Variants in GRIK1 observed in about 807,000 individuals in gnomAD.
GRIK1 encodes glutamate ionotropic receptor kainate type subunit 1, also known as glutamate receptor ionotropic, kainate 1.
A neutral mutation model predicts 105.7 loss-of-function variants in GRIK1; 69 were observed. The observed-to-expected ratio is 0.65, with a 90% CI of 0.54 to 0.80. The LOEUF (loss-of-function observed/expected upper bound fraction) is 0.80. Ranked by LOEUF, GRIK1 falls within the 30% of genes least tolerant of loss-of-function variation. The pLI is 0.00. For missense variants in GRIK1, 1,109 were observed against 1,167.3 expected, an observed-to-expected ratio of 0.95 and a Z score of 0.73; for synonymous variants, 438 against 431.3, an observed-to-expected ratio of 1.02 and a Z score of -0.19.
At chr21:29,671,271 C>A (rs1355006275) in intron 4 of GRIK1, among the ~76,000 whole-genome samples, 2 of 151,912 alleles carry the variant, frequency 1.3e-5, no homozygotes, top group Non-Finnish European at 2.9e-5. Flanking sequence ...TACAGGTGCC[C>A]ACCACCACAC....
At chr21:29,698,199 G>T (rs1000158271) in intron 1 of GRIK1, among the ~76,000 whole-genome samples, 1 of 152,044 alleles carries the variant, frequency 6.6e-6, no homozygotes, top group Non-Finnish European at 1.5e-5. Flanking sequence ...CCATTGGTTT[G>T]AGATGAGAAA....
At chr21:29,627,967 A>G (rs997393341) in intron 7 of GRIK1, among the ~76,000 whole-genome samples, 1 of 152,222 alleles carries the variant, frequency 6.6e-6, no homozygotes, top group Non-Finnish European at 1.5e-5. Context: ...GAAGACTTAG[A>G]TGCAATTCAT....
At chr21:29,584,536 G>T (rs565964193) in intron 12 of GRIK1, among the ~76,000 whole-genome samples, 1 of 150,922 alleles carries the variant, frequency 6.6e-6, no homozygotes, top group African/African-American at 2.4e-5. Flanking sequence ...ATTAAATATT[G>T]TTTTCCTTAG....
At chr21:29,716,183 C>A (rs1249952337) in intron 1 of GRIK1, among the ~76,000 whole-genome samples, 2 of 152,176 alleles carry the variant, frequency 1.3e-5, no homozygotes, top group Non-Finnish European at 2.9e-5. Flanking sequence ...AACCATGCTG[C>A]ACTGTGAGTC....
chr21:29,561,085 G>A (rs2090468519), intron 15 of GRIK1, among the ~76,000 whole-genome samples: 1 of 152,186 alleles, frequency 6.6e-6, no homozygotes, highest in Admixed American at 6.5e-5. Flanking sequence ...TAAGGAATTT[G>A]AAGATTTTAC....
intron 7 of GRIK1, among the ~76,000 whole-genome samples, chr21:29,605,860 T>C (rs898092210): frequency 8.5e-5 from 13 of 152,324 alleles, no homozygotes; most frequent in African/African-American, 2.6e-4. Context: ...TCTTCACTTA[T>C]ATATTGGAAA....
At chr21:29,779,750 T>A (rs1036597703) in intron 1 of GRIK1, among the ~76,000 whole-genome samples, 2 of 152,188 alleles carry the variant, frequency 1.3e-5, no homozygotes, top group African/African-American at 4.8e-5. Context: ...AAAATTCCAC[T>A]AATTTACTAT....
intron 16 of GRIK1, among the ~76,000 whole-genome samples, chr21:29,546,130 C>T (rs1458852760): frequency 4.6e-5 from 7 of 152,136 alleles, no homozygotes; most frequent in Admixed American, 2.0e-4. Flanking sequence ...CTGCTGTGCC[C>T]TCTGAGATGA....
intron 7 of GRIK1, among the ~76,000 whole-genome samples, chr21:29,617,016 A>G (rs363438): frequency 0.063 from 9,592 of 152,274 alleles, 445 homozygotes; most frequent in African/African-American, 0.12. Flanking sequence ...ATTTGCTATC[A>G]GCCATCATTG....
At chr21:29,848,755 G>GTGTGTGTATA (rs773386863) in intron 1 of GRIK1, among the ~76,000 whole-genome samples, 12 of 91,226 alleles carry the variant, frequency 1.3e-4, no homozygotes, top group African/African-American at 4.9e-4. Flanking sequence ...AGTTGTGTGT[G>GTGTGTGTATA]TATATATATA....
At chr21:29,625,139 T>C (rs1406146893) in intron 7 of GRIK1, among the ~76,000 whole-genome samples, 1 of 152,234 alleles carries the variant, frequency 6.6e-6, no homozygotes, top group Non-Finnish European at 1.5e-5. Context: ...TTGTGAATAA[T>C]GCAATATAAA....
In GRIK1 at chr21:29,567,334, A is replaced by G. The variant is rs371001210; in HGVS notation, c.2131-5485T>C. ...CCTCTAATGTTTCTTTTTTATTGAG[A>G]TAACTATTATTTATCACATTATTTC... is the stretch of plus-strand genomic sequence containing the variant. On this transcript the variant is annotated intron_variant, in intron 14 of 17. Transcript: ENST00000327783. 9.2e-5 allele frequency among the ~76,000 whole-genome samples: 14 copies of G among 152,228 alleles called. No homozygotes were observed. In the East Asian group the frequency reaches 2.3e-3, roughly 25 times the overall value.
At chr21:29,676,549 G>C (rs900770474) in intron 3 of GRIK1, among the ~76,000 whole-genome samples, 9 of 152,094 alleles carry the variant, frequency 5.9e-5, no homozygotes, top group Non-Finnish European at 1.0e-4. Flanking sequence ...CATTGATTTA[G>C]GCACAACACC....
intron 1 of GRIK1, chr21:29,861,695 A>G: frequency 2.2e-6 from 1 of 452,942 alleles, no homozygotes; most frequent in South Asian, 1.6e-5. Context: ...TGCCAAATGT[A>G]TTTTCTGCAT....
chr21:29,913,672 A>AATATATATATATAT (rs60924907), intron 1 of GRIK1, among the ~76,000 whole-genome samples: 15 of 144,570 alleles, frequency 1.0e-4, no homozygotes, highest in African/African-American at 3.5e-4. Context: ...AGAAACACTA[A>AATATATATATATAT]ATATATATAT....
intron 7 of GRIK1, among the ~76,000 whole-genome samples, chr21:29,641,424 G>A (rs1601348125): frequency 6.6e-6 from 1 of 152,144 alleles, no homozygotes; most frequent in Non-Finnish European, 1.5e-5. Context: ...ATGATTGTGA[G>A]GCCTCCTCAG....
chr21:29,574,841 T>C (rs943034730), intron 14 of GRIK1, among the ~76,000 whole-genome samples: 15 of 151,402 alleles, frequency 9.9e-5, no homozygotes, highest in African/African-American at 1.5e-4. Context: ...GCGCCCGCCA[T>C]CACGCCCGGC....
chr21:29,584,442 A>G (rs2091088219), intron 12 of GRIK1, among the ~76,000 whole-genome samples: 1 of 152,200 alleles, frequency 6.6e-6, no homozygotes, highest in Non-Finnish European at 1.5e-5. Context: ...AATTTATTGA[A>G]GTTAAATATT....
Position 29,581,446 on chromosome 21 carries a change from C to T in GRIK1, c.1891G>A (p.Val631Ile), listed in dbSNP as rs773449590. 2.7e-5 allele frequency: 43 copies of T among 1,610,994 alleles called. No homozygotes were observed. The highest frequency in any genetic ancestry group is 3.6e-5 in the Non-Finnish European group (42 of 1,177,522). Residue 631 changes from valine to isoleucine, a missense_variant, in exon 13 of 18, where the codon GTT (valine) becomes ATT (isoleucine). Around this residue, in one of 5 missense-constraint regions of GRIK1, gnomAD observed 264 missense variants for 306.9 expected, o/e 0.86. Transcript: ENST00000327783. The part of the protein sequence containing the change: ...FTLLNSFWFG[V>I]GALMQQGSEL... ...GTACCTTGCTGCATGAGAGCTCCAA[C>T]TCCAAACCAGAAACTATTTAGTAAA...
Sources: allele counts gnomAD v4.1 joint callset (sites outside exome capture counted in the v4.1 genomes callset), GRCh38; gene constraint gnomAD v4.1.1; regional missense constraint gnomAD v4.1.1; transcripts MANE v1.5; gene names NCBI Gene and HGNC (gene_info 2026-07-23, HGNC 2026-07-21).